Variants in ALG11 observed in about 807,000 individuals in gnomAD.
The protein encoded by ALG11 is ALG11 alpha-1,2-mannosyltransferase.
In ALG11, 26 loss-of-function variants were observed where a neutral mutation model predicts 38.8. The ratio of observed to expected loss-of-function variants is 0.67; its 90% confidence interval spans 0.49 to 0.93. The LOEUF (loss-of-function observed/expected upper bound fraction) is 0.93. ALG11 is among the 40% of genes least tolerant of loss of function. The pLI, the probability that ALG11 is intolerant of heterozygous loss-of-function variation, is 0.00. For missense variants in ALG11, 535 were observed against 578.8 expected (o/e 0.92, Z 0.78); for synonymous variants, 199 against 211.6 (o/e 0.94, Z 0.52).
chr13:52,024,603 C>G lies in ALG11; in HGVS notation c.873C>G (p.Pro291=), dbSNP rs1315693127. 1 of 1,613,878 alleles carries G rather than the reference C, an allele frequency of 6.2e-7. No homozygotes were observed. Among genetic ancestry groups the G allele is most frequent in the Non-Finnish European group, 8.5e-7 (1 of 1,179,864 alleles). The change falls in exon 3 of 4, where the codon CCC becomes CCG. Residue 291 remains proline, a synonymous_variant. Transcript: ENST00000521508. ...PCDVQTFLDI[P]LHEKKMTPGH... ...ATGTGCAGACATTTCTGGACATTCC[C>G]TTACATGAGAAAAAGATGACCCCAG...
intron 1 of ALG11, among the ~76,000 whole-genome samples, chr13:52,013,188 C>T (rs1160448488): frequency 6.6e-6 from 1 of 152,126 alleles, no homozygotes; most frequent in African/African-American, 2.4e-5. Flanking sequence ...AATGCCTTGC[C>T]CTCCACTAAT....
Position 52,030,446 on chromosome 13 carries a change from AAGG to A in ALG11, c.*1859_*1861del, listed in dbSNP as rs764491335. ...CCCAAATAATCGGCCTGATGCCCCT[AAGG>A]AGAAGAAAGAGAAGGAGCAACTGAT... is the stretch of plus-strand genomic sequence containing the variant. On this transcript the variant is annotated 3_prime_UTR_variant, in exon 4 of 4. Coordinates refer to ENST00000521508, the MANE Select transcript of ALG11 (RefSeq NM_001004127.3). The A allele has an allele frequency of 3.1e-6, 5 of 1,614,230 alleles. No homozygotes were observed. Among genetic ancestry groups the A allele is most frequent in the Non-Finnish European group, 4.2e-6 (5 of 1,180,038 alleles).
chr13:52,030,959 A>C lies in ALG11; in HGVS notation c.*2369A>C. 6.2e-7 allele frequency: 1 copy of C among 1,614,192 alleles called. No homozygotes were observed. Among genetic ancestry groups the C allele is most frequent in the Non-Finnish European group, 8.5e-7 (1 of 1,180,022 alleles). Reference sequence around the variant, plus strand: ...GGCTTTCCAAAAGCTGACTACTCCCAAGGTCGTCACCAAGCCAGGCCATAT... The same window carrying C: ...GGCTTTCCAAAAGCTGACTACTCCCCAGGTCGTCACCAAGCCAGGCCATAT... On this transcript the variant is annotated 3_prime_UTR_variant, in exon 4 of 4. Transcript: ENST00000521508.
Position 52,024,390 on chromosome 13 carries a change from A to AG in ALG11, c.661dup (p.Ala221GlyfsTer32). 1 of 1,613,698 alleles carries AG rather than the reference A, an allele frequency of 6.2e-7. No individual in the cohort carries two copies. Among genetic ancestry groups the AG allele is most frequent in the Non-Finnish European group, 8.5e-7 (1 of 1,179,670 alleles). On this transcript the variant is annotated frameshift_variant, in exon 3 of 4. Coordinates refer to ENST00000521508, the MANE Select transcript of ALG11 (RefSeq NM_001004127.3). LOFTEE classifies it high-confidence loss of function. Reference sequence around the variant, plus strand: ...ATCAAAATATTGGATTTAATAATGCAGCCTTCATTACCAGGAATCCTTTTC... The same window carrying AG: ...ATCAAAATATTGGATTTAATAATGCAGGCCTTCATTACCAGGAATCCTTTTC...
At position 52,029,500 on chromosome 13, in the gene ALG11, G is replaced by T; in HGVS notation, c.*910G>T. 6.2e-7 allele frequency: 1 copy of T among 1,614,208 alleles called. No individual in the cohort carries two copies. Among genetic ancestry groups the T allele is most frequent in the South Asian group, 1.1e-5 (1 of 91,086 alleles). ...CAGAGCTTCAGAGGGCTCGGGCTCT[G>T]CAGTCCTACTATGAGGCCAAGGCTC... is the stretch of plus-strand genomic sequence containing the variant. On this transcript the variant is annotated 3_prime_UTR_variant, in exon 4 of 4. Coordinates refer to ENST00000521508, the MANE Select transcript of ALG11 (RefSeq NM_001004127.3).
chr13:52,013,286 A>G (rs1464755453), intron 1 of ALG11, among the ~76,000 whole-genome samples: 1 of 152,212 alleles, frequency 6.6e-6, no homozygotes, highest in African/African-American at 2.4e-5. Context: ...AATTAACACC[A>G]TAGCTTCCTG....
intron 1 of ALG11, among the ~76,000 whole-genome samples, chr13:52,018,088 C>T (rs1474337396): frequency 1.3e-5 from 2 of 152,170 alleles, no homozygotes; most frequent in Non-Finnish European, 2.9e-5. Context: ...TATTTTAACA[C>T]ATTTTAAGCA....
chr13:52,018,961 A>G lies in ALG11; in HGVS notation c.93A>G (p.Leu31=), dbSNP rs1954159228. 4 of 1,613,914 alleles carry G rather than the reference A, an allele frequency of 2.5e-6. No individual in the cohort carries two copies. Among genetic ancestry groups the G allele is most frequent in the Non-Finnish European group, 3.4e-6 (4 of 1,179,980 alleles). Residue 31 remains leucine (L), a synonymous_variant, in exon 2 of 4, where the codon TTA becomes TTG. Transcript: ENST00000521508. ...CTGGGCTCATTGTATGTGGAACTTT[A>G]TGTGTGTGTTTGGTCATTGTCCTTT... is the stretch of plus-strand genomic sequence containing the variant. ...FFPGLIVCGT[L]CVCLVIVLWG...
chr13:52,027,061 A>T (rs1018001338), intron 3 of ALG11, among the ~76,000 whole-genome samples: 3 of 152,190 alleles, frequency 2.0e-5, no homozygotes, highest in African/African-American at 4.8e-5. Context: ...GAGAGGGCAC[A>T]GATTCCGATG....
rs373146305 is a variant in ALG11, at chr13:52,024,594, G to A, written c.864G>A (p.Leu288=). 2 of 1,614,024 alleles carry A rather than the reference G, an allele frequency of 1.2e-6. No homozygotes were observed. Among genetic ancestry groups the A allele is most frequent in the Non-Finnish European group, 8.5e-7 (1 of 1,179,958 alleles). ...VYPPCDVQTF[L]DIPLHEKKMT... ...CACCTTGTGATGTGCAGACATTTCT[G>A]GACATTCCCTTACATGAGAAAAAGA... Residue 288 remains leucine (L), a synonymous_variant, in exon 3 of 4, where the codon CTG becomes CTA. Coordinates refer to ENST00000521508, the MANE Select transcript of ALG11 (RefSeq NM_001004127.3).
intron 1 of ALG11, chr13:52,015,920 C>G (rs187732351): frequency 6.6e-6 from 1 of 152,642 alleles, no homozygotes; most frequent in African/African-American, 2.4e-5. Context: ...GAGGCTGGAA[C>G]AGTTTGGAGG....
chr13:52,025,003 AATG>A (rs1593903730), intron 3 of ALG11, 66 bp downstream of exon 3: 1 of 1,499,860 alleles, frequency 6.7e-7, no homozygotes, highest in Non-Finnish European at 9.2e-7. Flanking sequence ...CTTTTGATAA[AATG>A]ATAATACTCT....
At chr13:52,019,558 C>A (rs1954167713) in intron 2 of ALG11, among the ~76,000 whole-genome samples, 1 of 152,122 alleles carries the variant, frequency 6.6e-6, no homozygotes, top group South Asian at 2.1e-4. Context: ...AAATGAATTC[C>A]TTTTTAAACT....
intron 1 of ALG11, among the ~76,000 whole-genome samples, chr13:52,013,438 T>C (rs1186598617): frequency 6.6e-6 from 1 of 152,258 alleles, no homozygotes; most frequent in Non-Finnish European, 1.5e-5. Context: ...TTCTTCCCTG[T>C]CATACGTAAT....
Position 52,029,957 on chromosome 13 carries a change from G to A in ALG11, c.*1367G>A, listed in dbSNP as rs537282217. 6.2e-7 allele frequency: 1 copy of A among 1,614,230 alleles called. No homozygotes were observed. The highest frequency in any genetic ancestry group is 2.2e-5 in the East Asian group (1 of 44,882). On this transcript the variant is annotated 3_prime_UTR_variant, in exon 4 of 4. Coordinates refer to ENST00000521508, the MANE Select transcript of ALG11 (RefSeq NM_001004127.3). ...GAGCTGCACCAGTGACACCAAAGAGGCTGCAACACAGGAGGACCCTGAGCA... is the reference window on the plus strand; with the variant it reads ...GAGCTGCACCAGTGACACCAAAGAGACTGCAACACAGGAGGACCCTGAGCA...
Position 52,028,869 on chromosome 13 carries a change from CA to C in ALG11, c.*285del. ...CACCAGGAAGAACTAGTGGATTTGC[CA>C]AAAAACTACCCCTTGAGTGAAAATG... is the stretch of plus-strand genomic sequence containing the variant. On this transcript the variant is annotated 3_prime_UTR_variant, in exon 4 of 4. Transcript: ENST00000521508. 6.2e-7 allele frequency: 1 copy of C among 1,614,120 alleles called. No homozygotes were observed. The highest frequency in any genetic ancestry group is 8.5e-7 in the Non-Finnish European group (1 of 1,180,030).
At chr13:52,015,152 C>T (rs973555181) in intron 1 of ALG11, among the ~76,000 whole-genome samples, 2 of 152,230 alleles carry the variant, frequency 1.3e-5, no homozygotes, top group African/African-American at 2.4e-5. Flanking sequence ...CCTGTAATCT[C>T]AATGCTTTGG....
At chr13:52,027,378 C>G (rs1334872485) in intron 3 of ALG11, among the ~76,000 whole-genome samples, 1 of 152,192 alleles carries the variant, frequency 6.6e-6, no homozygotes, top group East Asian at 1.9e-4. Context: ...AGATGCAGGT[C>G]TCTGAGAAAG....
Position 52,024,485 on chromosome 13 carries a change from A to C in ALG11, c.755A>C (p.Asp252Ala), listed in dbSNP as rs780588084. The stretch of plus-strand genomic sequence containing the variant: ...TATGGACTTGTTGGTTCTTGCAGTG[A>C]TGTAGTCATGGTCAATTCTTCTTGG... Reference protein sequence around the residue: ...FIYGLVGSCSDVVMVNSSWTL... With the variant: ...FIYGLVGSCSAVVMVNSSWTL... The change falls in exon 3 of 4, where the codon GAT becomes GCT. Residue 252 changes from aspartate to alanine, a missense_variant. By Grantham distance (126) the Asp-to-Ala change is moderately radical. Coordinates refer to ENST00000521508, the MANE Select transcript of ALG11 (RefSeq NM_001004127.3). The C allele has an allele frequency of 6.2e-7, 1 of 1,614,024 alleles. No homozygotes were observed. Among genetic ancestry groups the C allele is most frequent in the Non-Finnish European group, 8.5e-7 (1 of 1,180,030 alleles).
Sources: gnomAD v4.1 joint callset for allele counts (sites outside exome capture counted in the v4.1 genomes callset) on GRCh38, gnomAD v4.1.1 for gene constraint, MANE v1.5 for transcripts, NCBI Gene and HGNC (gene_info 2026-07-23, HGNC 2026-07-21) for gene names.